Variants in NCBP1 observed in about 807,000 individuals in gnomAD.
The protein encoded by NCBP1 is nuclear cap binding protein subunit 1, also known as nuclear cap-binding protein subunit 1.
NCBP1 carries 16 observed loss-of-function variants against 111.7 expected under a neutral mutation model. That is an observed-to-expected ratio of 0.14 (90% CI 0.10 to 0.22). The LOEUF (loss-of-function observed/expected upper bound fraction) is 0.22. Among genes scored for constraint, NCBP1 ranks in the 10% least tolerant of loss-of-function variants. The pLI is 1.00. For synonymous variants in NCBP1, 304 were observed against 314.3 expected (o/e 0.97, Z 0.35); for missense variants, 607 against 957.5 (o/e 0.63, Z 4.83).
Position 97,645,632 on chromosome 9 carries a change from T to C in NCBP1, c.511T>C (p.Tyr171His), listed in dbSNP as rs1247010633. Reference sequence around the variant, plus strand: ...TTAGGTGCGACGAGATTGGTATGTGTATGCATTTCTGTCATCTTTGCCCTG... The same window carrying C: ...TTAGGTGCGACGAGATTGGTATGTGCATGCATTTCTGTCATCTTTGCCCTG... ...VPQVRRDWYVYAFLSSLPWVG... is the reference protein window; with the variant it reads ...VPQVRRDWYVHAFLSSLPWVG... Residue 171 changes from tyrosine (Y) to histidine (H), a missense_variant, in exon 6 of 23, where the codon TAT becomes CAT. Physicochemically the swap from Tyr to His is moderately conservative, Grantham distance 83. This residue lies in a region of NCBP1 where 185 missense variants were observed against 272.0 expected (regional missense o/e 0.68). Coordinates refer to ENST00000375147, the MANE Select transcript of NCBP1 (RefSeq NM_002486.5). 1 of 1,613,996 alleles carries C rather than the reference T, an allele frequency of 6.2e-7. No individual in the cohort carries two copies. Among genetic ancestry groups the C allele is most frequent in the Admixed American group, 1.7e-5 (1 of 60,036 alleles).
chr9:97,660,838 T>C lies in NCBP1; in HGVS notation c.1478-108T>C, dbSNP rs1827814135. The C allele has an allele frequency of 3.1e-6, 4 of 1,298,464 alleles. No homozygotes were observed. In the Admixed American group the frequency reaches 9.8e-5, roughly 32 times the overall value. The allele number at this position is 1,298,464 out of a possible 1,614,324, so 80.4% of individuals were successfully genotyped here. ...TGACCTTGGGATAAAGAGCATCCTA[T>C]TTTGAAAGGAAGAATTTAAAAAAAA... On this transcript the variant is annotated intron_variant, in intron 15 of 22. Transcript: ENST00000375147.
intron 19 of NCBP1, among the ~76,000 whole-genome samples, chr9:97,665,010 T>A (rs1827952013): frequency 6.6e-6 from 1 of 152,208 alleles, no homozygotes; most frequent in Non-Finnish European, 1.5e-5. Context: ...GTTTGGTTCT[T>A]ATTTATGAAG....
intron 8 of NCBP1, among the ~76,000 whole-genome samples, chr9:97,649,116 A>AC (rs1482232739): frequency 6.6e-6 from 1 of 152,170 alleles, no homozygotes; most frequent in African/African-American, 2.4e-5. Flanking sequence ...TTATTTGAAA[A>AC]CAAATGTTGG....
At chr9:97,659,791 T>C (rs1827779905) in intron 15 of NCBP1, among the ~76,000 whole-genome samples, 1 of 152,196 alleles carries the variant, frequency 6.6e-6, no homozygotes, top group Non-Finnish European at 1.5e-5. Context: ...AAGATTAAGC[T>C]TTCTTTTTGC....
At chr9:97,635,436 G>A (rs1400504862) in intron 1 of NCBP1, among the ~76,000 whole-genome samples, 1 of 132,500 alleles carries the variant, frequency 7.5e-6, no homozygotes, top group Non-Finnish European at 1.5e-5. Context: ...TTTCTGAGAC[G>A]GAGTGTCATT....
At chr9:97,647,637 G>A in intron 7 of NCBP1, 76 bp downstream of exon 7, 1 of 1,247,726 alleles carries the variant, frequency 8.0e-7, no homozygotes, top group Non-Finnish European at 1.2e-6. Context: ...AAGATACTCA[G>A]ACCATTCCAT....
rs1159053601 is a variant in NCBP1 at position 97,672,616 on chromosome 9, G to A, written c.*1417G>A. The A allele has an allele frequency of 1.3e-5, 2 of 152,200 alleles. No individual in the cohort carries two copies. The highest frequency in any genetic ancestry group is 1.5e-5 in the Non-Finnish European group (1 of 68,096). 9.4% of individuals were successfully genotyped at this position (152,200 alleles called of 1,614,324 possible). Reference sequence around the variant, plus strand: ...AACTATGTAATTATATATAATTACAGTTGACCCTTGAACAACATGGGTTTG... The same window carrying A: ...AACTATGTAATTATATATAATTACAATTGACCCTTGAACAACATGGGTTTG... On this transcript the variant is annotated 3_prime_UTR_variant, in exon 23 of 23. Coordinates refer to ENST00000375147, the MANE Select transcript of NCBP1 (RefSeq NM_002486.5).
At chr9:97,648,269 G>A (rs767624723) in intron 8 of NCBP1, 46 bp downstream of exon 8, 3 of 1,554,816 alleles carry the variant, frequency 1.9e-6, no homozygotes, top group Non-Finnish European at 2.7e-6. Flanking sequence ...GTGTTGCATT[G>A]TGCTTGTGGG....
intron 1 of NCBP1, among the ~76,000 whole-genome samples, chr9:97,637,642 C>T (rs917131677): frequency 3.3e-5 from 5 of 152,078 alleles, no homozygotes; most frequent in African/African-American, 4.8e-5. Context: ...TGTTTTAAGT[C>T]TGCGGGCTCA....
intron 10 of NCBP1, among the ~76,000 whole-genome samples, chr9:97,653,205 C>T (rs1175906692): frequency 1.3e-5 from 2 of 150,654 alleles, no homozygotes; most frequent in African/African-American, 4.9e-5. Flanking sequence ...AGTGCAACCT[C>T]CGCCTCCTGG....
intron 8 of NCBP1, 30 bp from the exon 9 acceptor site, chr9:97,650,473 T>G: frequency 6.6e-7 from 1 of 1,506,150 alleles, no homozygotes; most frequent in East Asian, 2.3e-5. Context: ...TTTCTAGGCC[T>G]GTAGTGTACA....
chr9:97,663,671 G>A (rs1587723472), intron 18 of NCBP1, among the ~76,000 whole-genome samples: 1 of 151,744 alleles, frequency 6.6e-6, no homozygotes, highest in East Asian at 2.0e-4. Context: ...TTTTAGTAGA[G>A]ATGGGGTTTC....
intron 15 of NCBP1, among the ~76,000 whole-genome samples, chr9:97,660,317 T>C (rs1185002154): frequency 4.6e-5 from 7 of 152,220 alleles, no homozygotes; most frequent in Non-Finnish European, 1.0e-4. Flanking sequence ...GTTGCTCTGG[T>C]GATGCCTTAC....
At chr9:97,669,244 G>A (rs994557099) in intron 21 of NCBP1, among the ~76,000 whole-genome samples, 4 of 151,634 alleles carry the variant, frequency 2.6e-5, no homozygotes, top group Non-Finnish European at 5.9e-5. Context: ...TATATGTCTC[G>A]TTTAATTATT....
At chr9:97,646,517 G>C (rs1159477759) in intron 6 of NCBP1, among the ~76,000 whole-genome samples, 1 of 152,042 alleles carries the variant, frequency 6.6e-6, no homozygotes, top group Non-Finnish European at 1.5e-5. Flanking sequence ...TGGTTATTAA[G>C]TAAAGTTAAA....
At chr9:97,637,125 G>A (rs1045692726) in intron 1 of NCBP1, among the ~76,000 whole-genome samples, 2 of 152,044 alleles carry the variant, frequency 1.3e-5, no homozygotes, top group African/African-American at 2.4e-5. Flanking sequence ...GATAGCAGAG[G>A]GTTGCATCTT....
chr9:97,637,727 T>A (rs1169976193), intron 1 of NCBP1, among the ~76,000 whole-genome samples: 1 of 152,216 alleles, frequency 6.6e-6, no homozygotes, highest in African/African-American at 2.4e-5. Context: ...GCTTAAGGTT[T>A]AAAAACGTAA....
chr9:97,647,501 A>G lies in NCBP1; in HGVS notation c.621A>G (p.Gln207=), dbSNP rs201844331. 174 of 1,612,542 alleles carry G rather than the reference A, an allele frequency of 1.1e-4. 1 individual carries two copies. The East Asian group carries it at 1.4e-3, about 13-fold the overall frequency. The change falls in exon 7 of 23, where the codon CAA becomes CAG. Residue 207 remains glutamine (Q), a synonymous_variant. Transcript: ENST00000375147. ...TCATTTTTATCTTTAGAAGACGCCA[A>G]AAGACTCATGTACCCATGTTACAGG... ...ANTESYLKRR[Q]KTHVPMLQVW...
At chr9:97,666,733 T>G in intron 19 of NCBP1, 30 bp from the exon 20 acceptor site, 1 of 1,409,304 alleles carries the variant, frequency 7.1e-7, no homozygotes, top group Middle Eastern at 1.8e-4. Context: ...TAGCTTGACA[T>G]ACAGTAACCA....
Sources: gnomAD v4.1 joint callset for allele counts (sites outside exome capture counted in the v4.1 genomes callset) on GRCh38, gnomAD v4.1.1 for gene constraint, gnomAD v4.1.1 regional missense constraint, MANE v1.5 for transcripts, NCBI Gene and HGNC (gene_info 2026-07-23, HGNC 2026-07-21) for gene names.